Variants in AK9 observed in about 807,000 individuals in gnomAD.
AK9 encodes adenylate kinase 9.
In AK9, 191 loss-of-function variants were observed where a neutral mutation model predicts 239.6. The observed-to-expected ratio is 0.80, with a 90% CI of 0.71 to 0.90. AK9 has a LOEUF of 0.90. Among genes scored for constraint, AK9 ranks in the 40% least tolerant of loss-of-function variants. The pLI, the probability that AK9 is intolerant of heterozygous loss-of-function variation, is 0.00. For missense variants in AK9, 1,995 were observed against 2,214.7 expected (o/e 0.90, Z 1.99); for synonymous variants, 689 against 721.0 (o/e 0.96, Z 0.71).
At chr6:109,586,204 CA>C in intron 17 of AK9, 132 bp from the exon 18 acceptor site, 2 of 828,382 alleles carry the variant, frequency 2.4e-6, no homozygotes, top group South Asian at 4.7e-5. Flanking sequence ...AAAAGGGTGA[CA>C]ATTTTTAAAG....
chr6:109,522,439 C>G (rs904701438), intron 29 of AK9, among the ~76,000 whole-genome samples: 3 of 151,834 alleles, frequency 2.0e-5, no homozygotes, highest in Non-Finnish European at 4.4e-5. Flanking sequence ...CCTCATAGAT[C>G]TTCAGTTTTT....
chr6:109,527,185 A>G (rs1780632026), intron 29 of AK9, among the ~76,000 whole-genome samples: 1 of 152,210 alleles, frequency 6.6e-6, no homozygotes, highest in Non-Finnish European at 1.5e-5. Flanking sequence ...CTGAGACTAC[A>G]GGTCCACAAG....
rs1332796853 is a variant in AK9, at chr6:109,532,964, CTGTT to C, written c.3570+283_3570+286del. Among the ~76,000 whole-genome samples the C allele has an allele frequency of 2.0e-5, 3 of 152,122 alleles. No homozygotes were observed. In the East Asian group the frequency reaches 5.8e-4, roughly 29 times the overall value. ...TTTTACTTCTTTGTGTTTCAAATCT[CTGTT>C]TGTTACCTCTTCCACTTTGCTCCCA... On this transcript the variant is annotated intron_variant, in intron 28 of 40. Coordinates refer to ENST00000424296, the MANE Select transcript of AK9 (RefSeq NM_001145128.3).
In AK9 at chr6:109,499,048, A is replaced by T. The variant is rs1241086251; in HGVS notation, c.5042T>A (p.Leu1681Gln). ...TGGAGTTAGGAACAAACTTACATTC[A>T]GTTTTTCCTGAGAACTCATTTTATA... ...HYYKMSSQEKLNKFLENPELY... is the reference protein window; with the variant it reads ...HYYKMSSQEKQNKFLENPELY... Residue 1681 changes from leucine (L) to glutamine (Q), a missense_variant, in exon 36 of 41, where the codon CTG (leucine) becomes CAG (glutamine). Around this residue, in one of 5 missense-constraint regions of AK9, gnomAD observed 391 missense variants for 456.0 expected, o/e 0.86. Transcript: ENST00000424296. 4.0e-6 allele frequency: 6 copies of T among 1,506,388 alleles called. No individual in the cohort carries two copies. The highest frequency in any genetic ancestry group is 5.3e-6 in the Non-Finnish European group (6 of 1,122,824). 93.3% of individuals were successfully genotyped at this position (1,506,388 alleles called of 1,614,324 possible). A position where few individuals can be genotyped will look rare whatever the true frequency, so the allele number is the denominator to read the frequency against.
intron 7 of AK9, among the ~76,000 whole-genome samples, chr6:109,657,357 C>G (rs183065621): frequency 6.6e-6 from 1 of 151,882 alleles, no homozygotes; most frequent in East Asian, 1.9e-4. Context: ...AACAAGTACA[C>G]AAATAAATAT....
chr6:109,608,565 C>T (rs1583236573), intron 17 of AK9, among the ~76,000 whole-genome samples: 2 of 151,870 alleles, frequency 1.3e-5, no homozygotes, highest in African/African-American at 4.8e-5. Context: ...TTTTGATACA[C>T]AAAAATTAGT....
intron 33 of AK9, among the ~76,000 whole-genome samples, chr6:109,508,822 C>G (rs1778381255): frequency 6.6e-6 from 1 of 152,108 alleles, no homozygotes; most frequent in Non-Finnish European, 1.5e-5. Context: ...GGACCAGCCC[C>G]TGGGGGATGG....
chr6:109,559,736 C>T (rs1448564623), intron 24 of AK9, among the ~76,000 whole-genome samples: 2 of 152,148 alleles, frequency 1.3e-5, no homozygotes, highest in Non-Finnish European at 2.9e-5. Flanking sequence ...ATTCCATTGG[C>T]TTTTCTACAT....
chr6:109,558,674 T>C (rs1785317878), intron 24 of AK9, among the ~76,000 whole-genome samples: 1 of 152,176 alleles, frequency 6.6e-6, no homozygotes, highest in Non-Finnish European at 1.5e-5. Context: ...TCTTACTTGG[T>C]TATTCTTTCT....
intron 1 of AK9, among the ~76,000 whole-genome samples, chr6:109,676,589 A>T (rs1771787588): frequency 6.6e-6 from 1 of 152,134 alleles, no homozygotes; most frequent in South Asian, 2.1e-4. Context: ...AAATAATGAA[A>T]AAAATAGTGA....
chr6:109,576,588 G>A (rs1054982112), intron 20 of AK9, among the ~76,000 whole-genome samples: 14 of 151,784 alleles, frequency 9.2e-5, no homozygotes, highest in African/African-American at 3.1e-4. Context: ...TTTCAGGTGA[G>A]TATTTAGAAT....
At chr6:109,644,434 G>T in intron 9 of AK9, 180 bp downstream of exon 9, 1 of 465,544 alleles carries the variant, frequency 2.1e-6, no homozygotes, top group Non-Finnish European at 3.5e-6. Context: ...ATGTAGTTTT[G>T]ATTTTAAAAT....
intron 24 of AK9, 97 bp downstream of exon 24, chr6:109,563,500 C>G: frequency 1.4e-6 from 2 of 1,463,708 alleles, no homozygotes; most frequent in Non-Finnish European, 1.8e-6. Flanking sequence ...ATGAGAATGT[C>G]TGTTCACTTG....
At chr6:109,504,402 T>G (rs1297873295) in intron 35 of AK9, among the ~76,000 whole-genome samples, 1 of 152,084 alleles carries the variant, frequency 6.6e-6, no homozygotes, top group Non-Finnish European at 1.5e-5. Context: ...CCTGTTTAAG[T>G]TTGAATTTCA....
intron 17 of AK9, among the ~76,000 whole-genome samples, chr6:109,589,547 T>G (rs1789946954): frequency 6.6e-6 from 1 of 152,200 alleles, no homozygotes; most frequent in Admixed American, 6.5e-5. Context: ...TTTTCCAATT[T>G]GGATGCCTTT....
chr6:109,609,776 CT>C (rs1383280998), intron 17 of AK9, among the ~76,000 whole-genome samples: 2 of 152,206 alleles, frequency 1.3e-5, no homozygotes, highest in Non-Finnish European at 2.9e-5. Context: ...CTGCATTTGA[CT>C]TTTGCTCTGA....
At chr6:109,621,893 T>TAAAAAAAA (rs59405869) in intron 12 of AK9, among the ~76,000 whole-genome samples, 3 of 55,528 alleles carry the variant, frequency 5.4e-5, no homozygotes, top group African/African-American at 1.9e-4. Context: ...AAAGTATAAT[T>TAAAAAAAA]AAAAAAAAAA....
chr6:109,533,489 A>G lies in AK9; in HGVS notation c.3351-19T>C. 3.9e-6 allele frequency: 6 copies of G among 1,543,556 alleles called. No homozygotes were observed. Among genetic ancestry groups the G allele is most frequent in the Non-Finnish European group, 5.2e-6 (6 of 1,144,676 alleles). ...TGTGGAACTGGTGGAAATTTTCATA[A>G]TTTACTTTATTTCATTAAAATGTTG... On this transcript the variant is annotated intron_variant, in intron 27 of 40. Transcript: ENST00000424296.
intron 29 of AK9, among the ~76,000 whole-genome samples, chr6:109,522,009 A>G (rs1405096906): frequency 1.0e-5 from 1 of 98,102 alleles, no homozygotes; most frequent in Non-Finnish European, 2.4e-5. Context: ...GTATCTGAAA[A>G]TTTTTCCATT....
Sources: allele counts gnomAD v4.1 joint callset (sites outside exome capture counted in the v4.1 genomes callset), GRCh38; gene constraint gnomAD v4.1.1; regional missense constraint gnomAD v4.1.1; transcripts MANE v1.5; gene names NCBI Gene and HGNC (gene_info 2026-07-23, HGNC 2026-07-21).